Variants in EFCAB5 observed in about 807,000 individuals in gnomAD.
The protein encoded by EFCAB5 is EF-hand calcium binding domain 5.
In EFCAB5, 131 loss-of-function variants were observed where a neutral mutation model predicts 167.9. The ratio of observed to expected loss-of-function variants is 0.78; its 90% CI spans 0.68 to 0.90. The LOEUF (loss-of-function observed/expected upper bound fraction) is 0.90, where lower values mean the gene tolerates loss of function less well. EFCAB5 is among the 40% of genes least tolerant of loss of function. EFCAB5 has a pLI of 0.00. For missense variants in EFCAB5, 1,663 were observed against 1,745.2 expected (o/e 0.95, Z 0.84); for synonymous variants, 574 against 602.8 (o/e 0.95, Z 0.70).
intron 8 of EFCAB5, among the ~76,000 whole-genome samples, chr17:30,040,701 C>T (rs2069746311): frequency 6.6e-6 from 1 of 152,156 alleles, no homozygotes; most frequent in South Asian, 2.1e-4. Flanking sequence ...AAAAGTTCCT[C>T]TTCAAAGCTT....
At chr17:30,033,336 C>T (rs1460081663) in intron 7 of EFCAB5, among the ~76,000 whole-genome samples, 3 of 152,140 alleles carry the variant, frequency 2.0e-5, no homozygotes, top group African/African-American at 2.4e-5. Flanking sequence ...CCTCGGCCTC[C>T]CAAAGTGCTG....
At chr17:29,932,793 G>T (rs776158556) in intron 1 of EFCAB5, among the ~76,000 whole-genome samples, 24 of 151,886 alleles carry the variant, frequency 1.6e-4, no homozygotes, top group Non-Finnish European at 1.3e-4. Context: ...GTAGATTAGT[G>T]GTCAAGACAT....
intron 7 of EFCAB5, among the ~76,000 whole-genome samples, chr17:30,032,122 A>T (rs1284966938): frequency 6.6e-6 from 1 of 152,226 alleles, no homozygotes; most frequent in East Asian, 1.9e-4. Flanking sequence ...GTGGAACATG[A>T]TTTTTACAAA....
chr17:30,099,409 A>G (rs2071350439), intron 22 of EFCAB5, among the ~76,000 whole-genome samples: 1 of 149,598 alleles, frequency 6.7e-6, no homozygotes, highest in African/African-American at 2.4e-5. Flanking sequence ...CCTGGGCAAC[A>G]AAGTAAGACT....
intron 14 of EFCAB5, 56 bp from the exon 15 acceptor site, chr17:30,078,159 C>G: frequency 6.6e-7 from 1 of 1,520,250 alleles, no homozygotes; most frequent in Non-Finnish European, 8.8e-7. Context: ...TGAAAATCCC[C>G]CCCACCAATG....
intron 14 of EFCAB5, among the ~76,000 whole-genome samples, chr17:30,061,576 C>A (rs151138769): frequency 6.6e-6 from 1 of 152,102 alleles, no homozygotes; most frequent in Non-Finnish European, 1.5e-5. Flanking sequence ...TGTCTTCCCC[C>A]TCCCCACCTT....
chr17:30,096,669 ATATATATATTT>A (rs1158275699), intron 22 of EFCAB5, among the ~76,000 whole-genome samples: 126 of 59,766 alleles, frequency 2.1e-3, no homozygotes, highest in Non-Finnish European at 2.9e-3. Flanking sequence ...ATATATATAT[ATATATATATTT>A]TTTTTTTTTT....
chr17:29,941,497 C>T, upstream of EFCAB5: 1 of 213,158 alleles, frequency 4.7e-6, no homozygotes, highest in Non-Finnish European at 9.2e-6. Context: ...ATTACTGCTG[C>T]TGTATTTTTT....
At chr17:30,020,979 G>A (rs2069164917) in intron 7 of EFCAB5, among the ~76,000 whole-genome samples, 1 of 122,020 alleles carries the variant, frequency 8.2e-6, no homozygotes, top group African/African-American at 3.5e-5. Flanking sequence ...AACAGAGTAG[G>A]TGAGCCAAGA....
chr17:30,056,029 T>C lies in EFCAB5; in HGVS notation c.2273-35T>C, dbSNP rs1278660890. ...GAACAAAAATATTGTGAAAGCGAAG[T>C]TTGATTGGCTATGTTATGGAATGTG... On this transcript the variant is annotated intron_variant, in intron 11 of 22. Coordinates refer to ENST00000394835, the MANE Select transcript of EFCAB5 (RefSeq NM_198529.4). The C allele has an allele frequency of 1.9e-6, 3 of 1,613,006 alleles. No homozygotes were observed. The African/African-American group carries it at 4.0e-5, about 22-fold the overall frequency.
chr17:30,038,353 T>A (rs1449816007), intron 8 of EFCAB5, among the ~76,000 whole-genome samples: 2 of 152,236 alleles, frequency 1.3e-5, no homozygotes, highest in African/African-American at 4.8e-5. Flanking sequence ...AAAGCCTAGA[T>A]AACAGTAGAT....
chr17:29,982,242 G>C (rs989142646), intron 4 of EFCAB5, among the ~76,000 whole-genome samples: 3 of 152,142 alleles, frequency 2.0e-5, no homozygotes, highest in African/African-American at 4.8e-5. Flanking sequence ...CGCCATCCTG[G>C]CTAACATAGT....
chr17:30,010,811 T>C (rs1283317766), intron 7 of EFCAB5, among the ~76,000 whole-genome samples: 1 of 152,198 alleles, frequency 6.6e-6, no homozygotes, highest in Non-Finnish European at 1.5e-5. Flanking sequence ...TTAGTTTAAT[T>C]AGATCCCATT....
intron 4 of EFCAB5, among the ~76,000 whole-genome samples, chr17:29,980,954 C>G (rs1020716114): frequency 1.3e-5 from 2 of 152,200 alleles, no homozygotes; most frequent in Non-Finnish European, 2.9e-5. Flanking sequence ...GTCATTAAGT[C>G]CTGGTGATTT....
intron 3 of EFCAB5, among the ~76,000 whole-genome samples, chr17:29,961,595 T>C (rs2067721200): frequency 6.6e-6 from 1 of 152,112 alleles, no homozygotes; most frequent in African/African-American, 2.4e-5. Flanking sequence ...GTTTTGTTTG[T>C]TTGTTTTTAG....
intron 3 of EFCAB5, among the ~76,000 whole-genome samples, chr17:29,966,653 G>A (rs1206198243): frequency 1.3e-5 from 2 of 152,000 alleles, no homozygotes; most frequent in African/African-American, 4.8e-5. Flanking sequence ...TATTTGTCAG[G>A]TTTCTCTACT....
intron 7 of EFCAB5, among the ~76,000 whole-genome samples, chr17:30,026,743 G>T (rs1008827829): frequency 1.3e-5 from 2 of 151,688 alleles, no homozygotes; most frequent in Non-Finnish European, 2.9e-5. Context: ...TTTCTTTTGT[G>T]TTTTAATTTT....
intron 8 of EFCAB5, among the ~76,000 whole-genome samples, chr17:30,036,164 T>A (rs1408131509): frequency 7.2e-6 from 1 of 138,860 alleles, no homozygotes; most frequent in Non-Finnish European, 1.6e-5. Flanking sequence ...TATTATTATA[T>A]ATAATATAAT....
At chr17:30,068,682 G>T in intron 14 of EFCAB5, 1 of 1,571,006 alleles carries the variant, frequency 6.4e-7, no homozygotes, top group Non-Finnish European at 8.7e-7. Flanking sequence ...CCGTGAAGAC[G>T]CAGAACAAGG....
Sources: allele counts gnomAD v4.1 joint callset (sites outside exome capture counted in the v4.1 genomes callset), GRCh38; gene constraint gnomAD v4.1.1; transcripts MANE v1.5; gene names NCBI Gene and HGNC (gene_info 2026-07-23, HGNC 2026-07-21).